The following PLCB1 variants were observed in gnomAD, a reference collection of about 807,000 sequenced individuals.
PLCB1 encodes phospholipase C beta 1.
In PLCB1, 46 loss-of-function variants were observed where a neutral mutation model predicts 161.8. That is an observed-to-expected ratio of 0.28 (90% confidence interval 0.22 to 0.36). The LOEUF (loss-of-function observed/expected upper bound fraction) is 0.36, where lower values mean the gene tolerates loss of function less well. Ranked by LOEUF, PLCB1 falls within the 10% of genes least tolerant of loss-of-function variation. The pLI, the probability that PLCB1 is intolerant of heterozygous loss-of-function variation, is 1.00. For missense variants in PLCB1, 1,016 were observed against 1,472.5 expected, an observed-to-expected ratio of 0.69 and a Z score of 5.07; for synonymous variants, 517 against 503.7, an observed-to-expected ratio of 1.03 and a Z score of -0.35.
At chr20:8,705,309 A>G (rs1415773711) in intron 11 of PLCB1, among the ~76,000 whole-genome samples, 1 of 152,180 alleles carries the variant, frequency 6.6e-6, no homozygotes, top group African/African-American at 2.4e-5. Context: ...TAGTCAATAG[A>G]AGAATAAATG....
chr20:8,579,135 T>A (rs1986760316), intron 3 of PLCB1, among the ~76,000 whole-genome samples: 1 of 152,268 alleles, frequency 6.6e-6, no homozygotes, highest in Non-Finnish European at 1.5e-5. Context: ...CCCTTAGACA[T>A]GTAACTTTAT....
intron 3 of PLCB1, among the ~76,000 whole-genome samples, chr20:8,430,121 C>G (rs886967989): frequency 2.0e-5 from 3 of 151,882 alleles, no homozygotes; most frequent in African/African-American, 7.3e-5. Context: ...TACACTGTGA[C>G]TGGGTGTGAA....
chr20:8,286,288 C>T (rs1312629531), intron 2 of PLCB1, among the ~76,000 whole-genome samples: 2 of 152,200 alleles, frequency 1.3e-5, no homozygotes, highest in African/African-American at 4.8e-5. Flanking sequence ...GGTGCCACTG[C>T]ACTCCAGTCT....
intron 2 of PLCB1, among the ~76,000 whole-genome samples, chr20:8,254,326 GA>G (rs1336194932): frequency 6.6e-6 from 1 of 151,834 alleles, no homozygotes; most frequent in Non-Finnish European, 1.5e-5. Flanking sequence ...ACCCACCTGG[GA>G]ATAATTACTA....
At chr20:8,494,778 A>G (rs1983090494) in intron 3 of PLCB1, among the ~76,000 whole-genome samples, 1 of 151,836 alleles carries the variant, frequency 6.6e-6, no homozygotes, top group South Asian at 2.1e-4. Flanking sequence ...TTCCTTCTCT[A>G]CCACTTCTAG....
intron 3 of PLCB1, among the ~76,000 whole-genome samples, chr20:8,535,136 A>G (rs1984993361): frequency 7.1e-6 from 1 of 141,488 alleles, no homozygotes; most frequent in South Asian, 2.2e-4. Flanking sequence ...GGATAGAGTC[A>G]ATTTGGAATT....
intron 2 of PLCB1, among the ~76,000 whole-genome samples, chr20:8,250,183 C>T (rs1252617885): frequency 7.2e-5 from 11 of 151,822 alleles, no homozygotes; most frequent in African/African-American, 2.2e-4. Context: ...ATCTGATGGG[C>T]GCCATCCCAT....
chr20:8,750,464 C>T (rs924669744), intron 23 of PLCB1, among the ~76,000 whole-genome samples: 14 of 152,120 alleles, frequency 9.2e-5, no homozygotes, highest in Non-Finnish European at 1.9e-4. Flanking sequence ...TATATATCAG[C>T]CACCCGGATT....
chr20:8,385,604 A>C (rs989786178), intron 3 of PLCB1, among the ~76,000 whole-genome samples: 1 of 152,216 alleles, frequency 6.6e-6, no homozygotes, highest in African/African-American at 2.4e-5. Flanking sequence ...GCTGTTGAGA[A>C]TCTGCACAGC....
At chr20:8,250,626 A>C (rs1981091517) in intron 2 of PLCB1, among the ~76,000 whole-genome samples, 1 of 151,956 alleles carries the variant, frequency 6.6e-6, no homozygotes, top group Admixed American at 6.6e-5. Context: ...TTCCATTTTA[A>C]ACTTTTAGTG....
intron 2 of PLCB1, among the ~76,000 whole-genome samples, chr20:8,275,202 C>G (rs918088860): frequency 1.3e-5 from 2 of 150,374 alleles, no homozygotes; most frequent in Non-Finnish European, 2.9e-5. Flanking sequence ...TTTTCTCTCC[C>G]GATACTTTGT....
At position 8,224,699 on chromosome 20, in the gene PLCB1, A is replaced by C. The variant is rs534580943; in HGVS notation, c.177+74328A>C. Among the ~76,000 whole-genome samples the C allele has an allele frequency of 2.0e-5, 3 of 152,278 alleles. No individual in the cohort carries two copies. In the East Asian group the frequency reaches 5.8e-4, roughly 29 times the overall value. On this transcript the variant is annotated intron_variant, in intron 2 of 31. Coordinates refer to ENST00000338037, the MANE Select transcript of PLCB1 (RefSeq NM_015192.4). ...TCAAAATAATTTTCACAAACTGAAC[A>C]ACCTCATAACCATTGCCTGATCAAG...
intron 3 of PLCB1, among the ~76,000 whole-genome samples, chr20:8,445,103 A>G (rs1167881419): frequency 2.6e-5 from 4 of 152,148 alleles, no homozygotes; most frequent in Non-Finnish European, 4.4e-5. Context: ...TTGGTGTTTT[A>G]GACATGAAGT....
At chr20:8,716,602 CA>C (rs1156413570) in intron 13 of PLCB1, among the ~76,000 whole-genome samples, 2 of 152,136 alleles carry the variant, frequency 1.3e-5, no homozygotes, top group African/African-American at 4.8e-5. Context: ...GCAGATTTCC[CA>C]ACAATTACAA....
intron 31 of PLCB1, among the ~76,000 whole-genome samples, chr20:8,806,833 T>A: frequency 6.6e-6 from 1 of 152,180 alleles, no homozygotes. Flanking sequence ...AACGTCTCCG[T>A]TTAGATTGTA....
intron 3 of PLCB1, among the ~76,000 whole-genome samples, chr20:8,440,840 A>T (rs1318585924): frequency 6.7e-6 from 1 of 148,296 alleles, no homozygotes; most frequent in Non-Finnish European, 1.5e-5. Context: ...TTTTGATTTT[A>T]TATATATATA....
intron 1 of PLCB1, among the ~76,000 whole-genome samples, chr20:8,133,335 T>C (rs996007156): frequency 2.0e-5 from 3 of 152,030 alleles, no homozygotes; most frequent in African/African-American, 4.8e-5. Flanking sequence ...TGAAAAGGGC[T>C]GCGGGGACAC....
intron 3 of PLCB1, among the ~76,000 whole-genome samples, chr20:8,538,228 G>T (rs1280009454): frequency 6.6e-6 from 1 of 152,126 alleles, no homozygotes; most frequent in Non-Finnish European, 1.5e-5. Context: ...AGAGATATTT[G>T]CAAATATCAA....
chr20:8,568,841 A>G (rs925519670), intron 3 of PLCB1, among the ~76,000 whole-genome samples: 4 of 152,160 alleles, frequency 2.6e-5, no homozygotes, highest in East Asian at 1.9e-4. Flanking sequence ...GGTGATGTCA[A>G]CAAGCACCAG....
Sources: allele counts gnomAD v4.1 joint callset (sites outside exome capture counted in the v4.1 genomes callset), GRCh38; gene constraint gnomAD v4.1.1; transcripts MANE v1.5; gene names NCBI Gene and HGNC (gene_info 2026-07-23, HGNC 2026-07-21).